The following EIF4A2 variants were observed in gnomAD, a reference collection of about 807,000 sequenced individuals.
The protein encoded by EIF4A2 is eukaryotic translation initiation factor 4A2.
A neutral mutation model predicts 50.6 loss-of-function variants in EIF4A2; 9 were observed. That is an observed-to-expected ratio of 0.18 (90% confidence interval 0.11 to 0.31). EIF4A2 has a LOEUF of 0.31. Ranked by LOEUF, EIF4A2 falls within the 10% of genes least tolerant of loss-of-function variation. EIF4A2 has a pLI of 1.00. For synonymous variants in EIF4A2, 215 were observed against 164.4 expected (o/e 1.31, Z -2.35); for missense variants, 182 against 501.8 (o/e 0.36, Z 6.09).
rs762436117 is a variant in EIF4A2 at position 186,786,155 on chromosome 3, T to A, written c.518-9T>A. 4 of 1,612,644 alleles carry A rather than the reference T, an allele frequency of 2.5e-6. No individual in the cohort carries two copies. Among genetic ancestry groups the A allele is most frequent in the Non-Finnish European group, 3.4e-6 (4 of 1,178,910 alleles). On this transcript the variant is annotated splice_polypyrimidine_tract_variant and intron_variant, in intron 5 of 10. Transcript: ENST00000323963. Reference sequence around the variant, plus strand: ...TCTAGAAATGACAGTATGACTTTGTTTCTAACAGCTCCAAAATGGATCAAA... The same window carrying A: ...TCTAGAAATGACAGTATGACTTTGTATCTAACAGCTCCAAAATGGATCAAA...
Position 186,786,029 on chromosome 3 carries a change from T to C in EIF4A2, c.495T>C (p.Asp165=). The C allele has an allele frequency of 6.2e-7, 1 of 1,606,896 alleles. No individual in the cohort carries two copies. The change falls in exon 5 of 11, where the codon GAT becomes GAC. Residue 165 remains aspartate (D), a synonymous_variant. Transcript: ENST00000323963. The part of the protein sequence containing the change: ...IVVGTPGRVF[D]MLNRRYLSPK... ...TTGGTACACCCGGGAGAGTGTTTGA[T>C]ATGTTAAACAGAAGATACCTTTGTA...
At chr3:186,788,035 G>C (rs1225356357) in intron 10 of EIF4A2, 153 bp downstream of exon 10, 1 of 874,772 alleles carries the variant, frequency 1.1e-6, no homozygotes, top group Non-Finnish European at 1.7e-6. Context: ...AGGGAAGGTT[G>C]ATGAGAACAA....
Position 186,785,058 on chromosome 3 carries a change from C to T in EIF4A2, c.305C>T (p.Thr102Ile). 6.2e-7 allele frequency: 1 copy of T among 1,614,154 alleles called. No individual in the cohort carries two copies. Among genetic ancestry groups the T allele is most frequent in the Non-Finnish European group, 8.5e-7 (1 of 1,180,034 alleles). ...CAGTTGGAGATTGAGTTCAAGGAGA[C>T]CCAAGCACTAGTATTGGCCCCCACC... ...LQQLEIEFKE[T>I]QALVLAPTRE... The change falls in exon 4 of 11, where the codon ACC becomes ATC. Residue 102 changes from threonine (T) to isoleucine (I), a missense_variant. Around this residue, in one of 7 missense-constraint regions of EIF4A2, gnomAD observed 113 missense variants for 357.3 expected, o/e 0.32. Coordinates refer to ENST00000323963, the MANE Select transcript of EIF4A2 (RefSeq NM_001967.4).
chr3:186,783,843 A>C (rs1721514158), intron 1 of EIF4A2: 1 of 767,926 alleles, frequency 1.3e-6, no homozygotes, highest in Non-Finnish European at 2.1e-6. Context: ...GCAGTGGCTA[A>C]AGGGCGTTTT....
chr3:186,785,550 A>G (rs929525800), intron 4 of EIF4A2: 5 of 309,464 alleles, frequency 1.6e-5, no homozygotes, highest in African/African-American at 4.2e-5. Flanking sequence ...CCTCTGGGGG[A>G]AAAAAATCAT....
chr3:186,788,447 ATGATTATT>A, intron 10 of EIF4A2: 1 of 1,233,364 alleles, frequency 8.1e-7, no homozygotes, highest in East Asian at 5.7e-5. Context: ...TTCTTTTGTC[ATGATTATT>A]TGATTTTTAA....
chr3:186,786,956 C>T, intron 7 of EIF4A2, 171 bp from the exon 8 acceptor site: 5 of 1,052,382 alleles, frequency 4.8e-6, no homozygotes, highest in South Asian at 1.5e-5. Context: ...TGGGTAGAGA[C>T]AGTTTCACTT....
Position 186,787,633 on chromosome 3 carries a change from G to C in EIF4A2, c.999+49G>C, listed in dbSNP as rs545310899. The C allele has an allele frequency of 4.5e-5, 73 of 1,611,290 alleles. No homozygotes were observed. The East Asian group carries it at 1.5e-3, about 34-fold the overall frequency. On this transcript the variant is annotated intron_variant, in intron 9 of 10. Transcript: ENST00000323963. The stretch of plus-strand genomic sequence containing the variant: ...AAATCTACCAAAAGTTAGCTTTTTG[G>C]GGGGCAGGTTTTTAAGTAACCTTTG...
chr3:186,789,808 C>CCCAG lies in EIF4A2; in HGVS notation c.*539_*540insCCAG. The CCCAG allele has an allele frequency of 1.7e-6, 1 of 599,948 alleles. No individual in the cohort carries two copies. Among genetic ancestry groups the CCCAG allele is most frequent in the South Asian group, 2.1e-5 (1 of 48,014 alleles). The allele number at this position is 599,948 out of a possible 1,614,324, so 37.2% of individuals were successfully genotyped here. A position where few individuals can be genotyped will look rare whatever the true frequency, so the allele number is the denominator to read the frequency against. ...TGTTGCTAAGCCCCAGCAAGCAATC[C>CCCAG]TAGGTAGGGTTTAATCCCCAGTAAA... On this transcript the variant is annotated 3_prime_UTR_variant, in exon 11 of 11. Transcript: ENST00000323963.
At position 186,789,581 on chromosome 3, in the gene EIF4A2, A is replaced by C; in HGVS notation, c.*312A>C. ...ATTAGATGTTCTCTATCATTTAATAATATACTTGTGGACTAAAAGATATAA... is the reference window on the plus strand; with the variant it reads ...ATTAGATGTTCTCTATCATTTAATACTATACTTGTGGACTAAAAGATATAA... On this transcript the variant is annotated 3_prime_UTR_variant, in exon 11 of 11. Transcript: ENST00000323963. The C allele has an allele frequency of 3.0e-6, 1 of 333,814 alleles. No homozygotes were observed. The highest frequency in any genetic ancestry group is 2.1e-5 in the African/African-American group (1 of 47,508). 20.7% of individuals were successfully genotyped at this position (333,814 alleles called of 1,614,324 possible). A position where few individuals can be genotyped will look rare whatever the true frequency, so the allele number is the denominator to read the frequency against.
Position 186,784,600 on chromosome 3 carries a change from A to T in EIF4A2, c.112A>T (p.Met38Leu). ...TGAGATTGTTGATAACTTTGATGAT[A>T]TGAATTTAAAGGAGTCTCTCCTTCG... is the stretch of plus-strand genomic sequence containing the variant. ...WNEIVDNFDD[M>L]NLKESLLRGI... The change falls in exon 3 of 11, where the codon ATG becomes TTG. Residue 38 changes from methionine (M) to leucine (L), a missense_variant. Around this residue, in one of 7 missense-constraint regions of EIF4A2, gnomAD observed 113 missense variants for 357.3 expected, o/e 0.32. Coordinates refer to ENST00000323963, the MANE Select transcript of EIF4A2 (RefSeq NM_001967.4). The T allele has an allele frequency of 6.2e-7, 1 of 1,614,240 alleles. No homozygotes were observed. Among genetic ancestry groups the T allele is most frequent in the Non-Finnish European group, 8.5e-7 (1 of 1,180,032 alleles).
In EIF4A2 at chr3:186,784,376, A is replaced by C. The variant is rs1266915008; in HGVS notation, c.30-56A>C. On this transcript the variant is annotated intron_variant, in intron 1 of 10. Transcript: ENST00000323963. Reference sequence around the variant, plus strand: ...CGGGTTGCAAAGGGCTATGCGCTTAAGGTGCAGTTGAGGTGGCCTGGAAGG... The same window carrying C: ...CGGGTTGCAAAGGGCTATGCGCTTACGGTGCAGTTGAGGTGGCCTGGAAGG... The C allele has an allele frequency of 3.1e-6, 5 of 1,613,422 alleles. No homozygotes were observed. The African/African-American group carries it at 5.3e-5, about 17-fold the overall frequency.
Position 186,786,352 on chromosome 3 carries a change from T to G in EIF4A2, c.627+79T>G, listed in dbSNP as rs539100607. On this transcript the variant is annotated intron_variant, in intron 6 of 10. Transcript: ENST00000323963. ...AGGTACTGTTACAATACAACTGATG[T>G]GTTTTGTTGTCGTTCCCCCTGCTTA... 3.8e-4 allele frequency: 578 copies of G among 1,518,786 alleles called. 1 individual carries two copies. In the African/African-American group the frequency reaches 7.2e-3, roughly 19 times the overall value. 94.1% of individuals were successfully genotyped at this position (1,518,786 alleles called of 1,614,324 possible). A position where few individuals can be genotyped will look rare whatever the true frequency, so the allele number is the denominator to read the frequency against.
In EIF4A2 at chr3:186,784,137, A is replaced by G. The variant is rs1256775557; in HGVS notation, c.30-295A>G. 30 of 521,066 alleles carry G rather than the reference A, an allele frequency of 5.8e-5. No individual in the cohort carries two copies. The East Asian group carries it at 8.1e-4, about 14-fold the overall frequency. 32.3% of individuals were successfully genotyped at this position (521,066 alleles called of 1,614,324 possible). ...CTCGCCAGGCCGCTCCGCCCGCGTC[A>G]ATCACCCGGCTTGCGCATTGTTGGG... is the stretch of plus-strand genomic sequence containing the variant. On this transcript the variant is annotated intron_variant, in intron 1 of 10. Coordinates refer to ENST00000323963, the MANE Select transcript of EIF4A2 (RefSeq NM_001967.4).
At position 186,783,822 on chromosome 3, in the gene EIF4A2, G is replaced by A. The variant is rs1721512683; in HGVS notation, c.29+183G>A. Reference sequence around the variant, plus strand: ...GCCCGGATTGTGGGGAGATAGGACGGTGGTGCGAAAGCAGTGGCTAAAGGG... The same window carrying A: ...GCCCGGATTGTGGGGAGATAGGACGATGGTGCGAAAGCAGTGGCTAAAGGG... On this transcript the variant is annotated intron_variant, in intron 1 of 10. Transcript: ENST00000323963. 3.4e-5 allele frequency: 32 copies of A among 954,808 alleles called. No homozygotes were observed. The South Asian group carries it at 4.7e-4, about 14-fold the overall frequency. The allele number at this position is 954,808 out of a possible 1,614,324, so 59.1% of individuals were successfully genotyped here. A position where few individuals can be genotyped will look rare whatever the true frequency, so the allele number is the denominator to read the frequency against.
At chr3:186,786,681 T>C (rs760474964) in intron 7 of EIF4A2, 36 bp downstream of exon 7, 6 of 1,612,024 alleles carry the variant, frequency 3.7e-6, no homozygotes, top group Admixed American at 1.7e-5. Context: ...TTTTACCTTC[T>C]TGTATAAGCA....
At chr3:186,786,909 T>G in intron 7 of EIF4A2, 3 of 882,896 alleles carry the variant, frequency 3.4e-6, no homozygotes, top group Admixed American at 3.8e-5. Flanking sequence ...TGAGACTGGG[T>G]TATGAGACTG....
intron 10 of EIF4A2, chr3:186,788,483 AT>A (rs111643166): frequency 5.9e-6 from 7 of 1,177,964 alleles, no homozygotes; most frequent in East Asian, 5.8e-5. Flanking sequence ...CAGCTAAGGC[AT>A]TTTTTTGTAT....
rs569577777 is a variant in EIF4A2 at position 186,789,750 on chromosome 3, GTATT to G, written c.*484_*487del. 1.9e-4 allele frequency: 93 copies of G among 479,872 alleles called. No homozygotes were observed. The highest frequency in any genetic ancestry group is 1.5e-3 in the African/African-American group (77 of 50,574). 29.7% of individuals were successfully genotyped at this position (479,872 alleles called of 1,614,324 possible). ...TTTGGTATTGTATTTATTCAATAAAGTATTTAATTAGTGCTAAGTGTGAACTGGA... is the reference window on the plus strand; with the variant it reads ...TTTGGTATTGTATTTATTCAATAAAGTAATTAGTGCTAAGTGTGAACTGGA... On this transcript the variant is annotated 3_prime_UTR_variant, in exon 11 of 11. Coordinates refer to ENST00000323963, the MANE Select transcript of EIF4A2 (RefSeq NM_001967.4).
Sources: gnomAD v4.1 joint callset for allele counts on GRCh38, gnomAD v4.1.1 for gene constraint, gnomAD v4.1.1 regional missense constraint, MANE v1.5 for transcripts, NCBI Gene and HGNC (gene_info 2026-07-23, HGNC 2026-07-21) for gene names.